The following IPO13 variants were observed in gnomAD, a reference collection of about 807,000 sequenced individuals.
The protein encoded by IPO13 is importin-13.
IPO13 carries 28 observed loss-of-function variants against 115.5 expected under a neutral mutation model. The ratio of observed to expected loss-of-function variants is 0.24; its 90% confidence interval spans 0.18 to 0.33. The LOEUF is 0.33. Among genes scored for constraint, IPO13 ranks in the 10% least tolerant of loss-of-function variants. The pLI is 1.00. For missense variants in IPO13, 785 were observed against 1,204.6 expected (o/e 0.65, Z 5.16); for synonymous variants, 414 against 478.9 (o/e 0.86, Z 1.77).
rs2085331671 is a variant in IPO13 at position 43,967,204 on chromosome 1, C to G, written c.2614-111C>G. On this transcript the variant is annotated intron_variant, in intron 18 of 19. Transcript: ENST00000372343. The surrounding 1 kb of genome is among the most constrained non-coding windows in gnomAD (Gnocchi z 6.1). Reference sequence around the variant, plus strand: ...GCTGGCTCTCAAAAAGCAGCGCTCACTGTGATGTGCAGTTTGGCTTAGGAA... The same window carrying G: ...GCTGGCTCTCAAAAAGCAGCGCTCAGTGTGATGTGCAGTTTGGCTTAGGAA... The G allele has an allele frequency of 8.1e-7, 1 of 1,240,150 alleles. No individual in the cohort carries two copies. Among genetic ancestry groups the G allele is most frequent in the Non-Finnish European group, 1.2e-6 (1 of 860,882 alleles). The allele number at this position is 1,240,150 out of a possible 1,614,324, so 76.8% of individuals were successfully genotyped here.
At chr1:43,953,015 T>C (rs754731461) in intron 2 of IPO13, among the ~76,000 whole-genome samples, 2 of 152,172 alleles carry the variant, frequency 1.3e-5, no homozygotes, top group Non-Finnish European at 2.9e-5. Context: ...GTGTGGGTGA[T>C]GTGAGGTGTC....
Position 43,961,196 on chromosome 1 carries a change from C to A in IPO13, c.2278C>A (p.His760Asn). ...LVHIFAHEPA[H>N]FPPIEALFLL... The stretch of plus-strand genomic sequence containing the variant: ...CCACATCTTTGCTCATGAGCCTGCC[C>A]ACTTTCCCCCAATTGAGGCCCTCTT... Residue 760 changes from histidine (H) to asparagine (N), a missense_variant, in exon 14 of 20, where the codon CAC becomes AAC. This residue lies in a region of IPO13 where 285 missense variants were observed against 394.8 expected (regional missense o/e 0.72). Coordinates refer to ENST00000372343, the MANE Select transcript of IPO13 (RefSeq NM_014652.4). The A allele has an allele frequency of 6.2e-7, 1 of 1,614,164 alleles. No individual in the cohort carries two copies. Among genetic ancestry groups the A allele is most frequent in the East Asian group, 2.2e-5 (1 of 44,878 alleles).
chr1:43,951,858 T>C (rs551872894), intron 2 of IPO13, among the ~76,000 whole-genome samples: 2 of 152,320 alleles, frequency 1.3e-5, no homozygotes, highest in East Asian at 1.9e-4. Flanking sequence ...GGTTCACTTA[T>C]TAGATCTGAA....
In IPO13 at chr1:43,956,547, ACT is replaced by A; in HGVS notation, c.963-7_963-6del. 6.2e-7 allele frequency: 1 copy of A among 1,613,174 alleles called. No homozygotes were observed. Among genetic ancestry groups the A allele is most frequent in the Non-Finnish European group, 8.5e-7 (1 of 1,179,824 alleles). On this transcript the variant is annotated splice_polypyrimidine_tract_variant and intron_variant, in intron 3 of 19. Coordinates refer to ENST00000372343, the MANE Select transcript of IPO13 (RefSeq NM_014652.4). This position sits in a 1 kb window ranked among gnomAD's most constrained non-coding sequence, Gnocchi z 4.7. ...GTCCCTGGAAAGGTAGAATGACCTG[ACT>A]CTCTCCCCAGGGCCTTGCTGGACCA... is the stretch of plus-strand genomic sequence containing the variant.
chr1:43,948,419 A>T (rs1294924852), intron 1 of IPO13, among the ~76,000 whole-genome samples: 1 of 152,212 alleles, frequency 6.6e-6, no homozygotes, highest in Non-Finnish European at 1.5e-5. Context: ...GAATGGGGAG[A>T]TGGGGCTCCC....
chr1:43,949,621 C>T lies in IPO13; in HGVS notation c.289C>T (p.Gln97Ter). ...CTACTGGAGTGACATCCCCACTGAC[C>T]AGTATGAAAGCCTAAAGGCACAGCT... ...SRYWSDIPTD[Q>*]YESLKAQLFT... is the part of the protein sequence containing the mutation. Residue 97 changes from glutamine to a stop codon, truncating the protein, a stop_gained, in exon 2 of 20, where the codon CAG becomes TAG. Transcript: ENST00000372343. LOFTEE classifies it high-confidence loss of function. 2 of 1,614,242 alleles carry T rather than the reference C, an allele frequency of 1.2e-6. No homozygotes were observed. Among genetic ancestry groups the T allele is most frequent in the Non-Finnish European group, 1.7e-6 (2 of 1,180,048 alleles).
intron 14 of IPO13, among the ~76,000 whole-genome samples, chr1:43,964,042 G>A (rs907889943): frequency 6.6e-6 from 1 of 152,264 alleles, no homozygotes; most frequent in East Asian, 1.9e-4. Context: ...GTAGGCGGAA[G>A]GCCCCTTGGA....
chr1:43,956,402 A>T lies in IPO13; in HGVS notation c.904A>T (p.Met302Leu), dbSNP rs776163875. 1 of 1,614,214 alleles carries T rather than the reference A, an allele frequency of 6.2e-7. No individual in the cohort carries two copies. The highest frequency in any genetic ancestry group is 8.5e-7 in the Non-Finnish European group (1 of 1,180,042). ...QLRQAVQNGD[M>L]ETSHGICRIA... is the part of the protein sequence containing the mutation. ...GCGGCAGGCAGTGCAGAATGGGGAC[A>T]TGGAGACCTCCCATGGCATCTGTCG... is the stretch of plus-strand genomic sequence containing the variant. Residue 302 changes from methionine (M) to leucine (L), a missense_variant, in exon 3 of 20, where the codon ATG becomes TTG. Physicochemically the swap from Met to Leu is conservative, Grantham distance 15 (BLOSUM62 2). Transcript: ENST00000372343. The surrounding 1 kb of genome is among the most constrained non-coding windows in gnomAD (Gnocchi z 4.7).
intron 14 of IPO13, among the ~76,000 whole-genome samples, chr1:43,963,881 T>C (rs995060898): frequency 6.6e-6 from 1 of 151,766 alleles, no homozygotes; most frequent in Non-Finnish European, 1.5e-5. Context: ...AATGACTGGC[T>C]GATGGGAGGT....
chr1:43,955,885 C>T (rs2085243831), intron 2 of IPO13, among the ~76,000 whole-genome samples: 4 of 151,600 alleles, frequency 2.6e-5, no homozygotes. Flanking sequence ...AAAGTTGTAA[C>T]CTAGCTGGAT....
chr1:43,966,740 G>A lies in IPO13; in HGVS notation c.2481G>A (p.Lys827=). ...AVFQCAVLAL[K]FPEAPTVKAS... ...TTCCCACAGCTGTGCTGGCCCTCAA[G>A]TTCCCTGAGGCACCTACTGTCAAGG... Residue 827 remains lysine (K), a synonymous_variant, in exon 17 of 20, where the codon AAG becomes AAA. Coordinates refer to ENST00000372343, the MANE Select transcript of IPO13 (RefSeq NM_014652.4). The surrounding 1 kb of genome is among the most constrained non-coding windows in gnomAD (Gnocchi z 4.1). The A allele has an allele frequency of 2.5e-6, 4 of 1,614,210 alleles. No individual in the cohort carries two copies. Among genetic ancestry groups the A allele is most frequent in the Non-Finnish European group, 3.4e-6 (4 of 1,180,032 alleles).
In IPO13 at chr1:43,967,823, G is replaced by T; in HGVS notation, c.*141G>T. 1 of 777,364 alleles carries T rather than the reference G, an allele frequency of 1.3e-6. No homozygotes were observed. Among genetic ancestry groups the T allele is most frequent in the Non-Finnish European group, 2.1e-6 (1 of 465,588 alleles). 48.2% of individuals were successfully genotyped at this position (777,364 alleles called of 1,614,324 possible). On this transcript the variant is annotated 3_prime_UTR_variant, in exon 20 of 20. Transcript: ENST00000372343. The surrounding 1 kb of genome is among the most constrained non-coding windows in gnomAD (Gnocchi z 6.1). ...AAGCCTGGGTCCAGAAGGCCTGGGG[G>T]AAGGATGGGAGGATGCTTGGACCCA...
In IPO13 at chr1:43,952,650, A is replaced by C. The variant is rs879577938; in HGVS notation, c.821+2497A>C. Among the ~76,000 whole-genome samples the C allele has an allele frequency of 2.0e-5, 3 of 152,204 alleles. No individual in the cohort carries two copies. Among genetic ancestry groups the C allele is most frequent in the Non-Finnish European group, 4.4e-5 (3 of 68,044 alleles). ...TATATATATGTGTGTGTATACATAC[A>C]TATATTTATATGTATATGATACACA... On this transcript the variant is annotated intron_variant, in intron 2 of 19. Transcript: ENST00000372343. This position sits in a 1 kb window ranked among gnomAD's most constrained non-coding sequence, Gnocchi z 4.7.
At position 43,947,648 on chromosome 1, in the gene IPO13, A is replaced by G. The variant is rs1473552587; in HGVS notation, c.48A>G (p.Ala16=). Residue 16 remains alanine (A), a synonymous_variant, in exon 1 of 20, where the codon GCA becomes GCG. Transcript: ENST00000372343. ...CGGGGGCTGCAGGGGCTGGAGCAGC[A>G]CCAGCCTTGGACTTCACTGTGGAGA... ...EQPGAAGAGA[A]PALDFTVENV... The G allele has an allele frequency of 7.5e-7, 1 of 1,336,548 alleles. No homozygotes were observed. Among genetic ancestry groups the G allele is most frequent in the Non-Finnish European group, 9.7e-7 (1 of 1,035,744 alleles). The allele number at this position is 1,336,548 out of a possible 1,614,324, so 82.8% of individuals were successfully genotyped here. A position where few individuals can be genotyped will look rare whatever the true frequency, so the allele number is the denominator to read the frequency against.
intron 14 of IPO13, among the ~76,000 whole-genome samples, chr1:43,964,027 G>A (rs2085306448): frequency 6.6e-6 from 1 of 152,228 alleles, no homozygotes; most frequent in African/African-American, 2.4e-5. Context: ...GAGGAGGAGT[G>A]GGGAGTAGGC....
intron 12 of IPO13, among the ~76,000 whole-genome samples, chr1:43,960,546 A>G (rs954432024): frequency 6.6e-6 from 1 of 152,224 alleles, no homozygotes; most frequent in Non-Finnish European, 1.5e-5. Flanking sequence ...GGGTCGAGTG[A>G]CAGTCAGGCA....
At chr1:43,948,855 G>A (rs1266826036) in intron 1 of IPO13, among the ~76,000 whole-genome samples, 1 of 152,224 alleles carries the variant, frequency 6.6e-6, no homozygotes, top group Non-Finnish European at 1.5e-5. Flanking sequence ...CCTCTGAGGA[G>A]TGTTCTCACC....
chr1:43,963,948 G>GA (rs1471432234), intron 14 of IPO13, among the ~76,000 whole-genome samples: 1 of 152,252 alleles, frequency 6.6e-6, no homozygotes, highest in African/African-American at 2.4e-5. Flanking sequence ...AGTAAGTGTG[G>GA]TGGCCGTTTC....
At position 43,967,841 on chromosome 1, in the gene IPO13, T is replaced by C; in HGVS notation, c.*159T>C. The C allele has an allele frequency of 1.4e-6, 1 of 694,076 alleles. No homozygotes were observed. Among genetic ancestry groups the C allele is most frequent in the Non-Finnish European group, 2.5e-6 (1 of 400,050 alleles). The allele number at this position is 694,076 out of a possible 1,614,324, so 43.0% of individuals were successfully genotyped here. On this transcript the variant is annotated 3_prime_UTR_variant, in exon 20 of 20. Coordinates refer to ENST00000372343, the MANE Select transcript of IPO13 (RefSeq NM_014652.4). This position sits in a 1 kb window ranked among gnomAD's most constrained non-coding sequence, Gnocchi z 6.1. ...CCTGGGGGAAGGATGGGAGGATGCT[T>C]GGACCCAGGCCTTGGGAGGGAATGG...
Sources: gnomAD v4.1 joint callset for allele counts (sites outside exome capture counted in the v4.1 genomes callset) on GRCh38, gnomAD v4.1.1 for gene constraint, gnomAD v4.1.1 regional missense constraint, Gnocchi (gnomAD v3.1) non-coding constraint, MANE v1.5 for transcripts, NCBI Gene and HGNC (gene_info 2026-07-23, HGNC 2026-07-21) for gene names.